TIAM1: variants seen among roughly 807,000 people sequenced by gnomAD.
The protein encoded by TIAM1 is TIAM Rac1 associated GEF 1.
TIAM1 carries 65 observed loss-of-function variants against 163.5 expected under a neutral mutation model. The ratio of observed to expected loss-of-function variants is 0.40; its 90% CI spans 0.33 to 0.49. The LOEUF is 0.49. Among genes scored for constraint, TIAM1 ranks in the 20% least tolerant of loss-of-function variants. TIAM1 has a pLI of 0.77. For missense variants in TIAM1, 1,789 were observed against 2,044.7 expected (o/e 0.87, Z 2.41); for synonymous variants, 833 against 810.1 (o/e 1.03, Z -0.48).
chr21:31,133,075 C>T (rs985953513), intron 23 of TIAM1, among the ~76,000 whole-genome samples: 2 of 152,118 alleles, frequency 1.3e-5, no homozygotes, highest in African/African-American at 2.4e-5. Flanking sequence ...CCAAATCTGC[C>T]GACTGAGGGT....
intron 25 of TIAM1, among the ~76,000 whole-genome samples, chr21:31,127,438 A>G (rs1320289513): frequency 2.1e-5 from 3 of 142,652 alleles, no homozygotes; most frequent in East Asian, 4.1e-4. Context: ...TTCTTTTTTG[A>G]GATGGAGTCT....
At chr21:31,335,074 A>T (rs1296512584) in intron 2 of TIAM1, among the ~76,000 whole-genome samples, 1 of 152,116 alleles carries the variant, frequency 6.6e-6, no homozygotes, top group African/African-American at 2.4e-5. Context: ...CTTGCATCAG[A>T]CCCAAGGCAT....
At chr21:31,400,151 G>A (rs1056841993) in intron 2 of TIAM1, among the ~76,000 whole-genome samples, 6 of 150,706 alleles carry the variant, frequency 4.0e-5, no homozygotes, top group East Asian at 3.9e-4. Context: ...TTTTTGAGAC[G>A]GAGTCTAGCT....
chr21:31,227,156 C>A (rs2088036473), intron 6 of TIAM1, among the ~76,000 whole-genome samples: 2 of 151,842 alleles, frequency 1.3e-5, no homozygotes, highest in South Asian at 4.2e-4. Context: ...AGGGTTTCAC[C>A]ATGTTGCCTA....
chr21:31,532,752 T>C (rs951970944), intron 1 of TIAM1, among the ~76,000 whole-genome samples: 7 of 152,134 alleles, frequency 4.6e-5, no homozygotes, highest in African/African-American at 1.7e-4. Context: ...AATTTCCCCA[T>C]CCTATCCAGC....
At chr21:31,261,255 C>T (rs1182525025) in intron 4 of TIAM1, among the ~76,000 whole-genome samples, 2 of 138,772 alleles carry the variant, frequency 1.4e-5, no homozygotes, top group Non-Finnish European at 3.0e-5. Context: ...TTCTTTTCAG[C>T]CAAGTCCTTT....
At chr21:31,206,338 C>T (rs2086449076) in intron 11 of TIAM1, among the ~76,000 whole-genome samples, 1 of 152,132 alleles carries the variant, frequency 6.6e-6, no homozygotes, top group Non-Finnish European at 1.5e-5. Context: ...CCTTAGATAC[C>T]TGTTAGTCAA....
intron 2 of TIAM1, among the ~76,000 whole-genome samples, chr21:31,462,898 A>G (rs1424686947): frequency 6.6e-6 from 1 of 152,008 alleles, no homozygotes; most frequent in Non-Finnish European, 1.5e-5. Flanking sequence ...ACCTGCCACC[A>G]TGCCCAACTA....
chr21:31,507,560 G>A (rs2047075085), intron 1 of TIAM1, among the ~76,000 whole-genome samples: 1 of 152,012 alleles, frequency 6.6e-6, no homozygotes, highest in African/African-American at 2.4e-5. Context: ...ACAACTAATA[G>A]CAAAATATGT....
chr21:31,403,824 GT>G (rs1035878275), intron 2 of TIAM1, among the ~76,000 whole-genome samples: 4 of 152,112 alleles, frequency 2.6e-5, no homozygotes, highest in Admixed American at 6.6e-5. Context: ...GAATTAGACA[GT>G]CCCTGCCCTC....
intron 2 of TIAM1, among the ~76,000 whole-genome samples, chr21:31,459,310 C>T (rs751911068): frequency 6.6e-6 from 1 of 152,072 alleles, no homozygotes; most frequent in Non-Finnish European, 1.5e-5. Flanking sequence ...GATTGTCTGG[C>T]TATGTTGCCC....
intron 9 of TIAM1, among the ~76,000 whole-genome samples, chr21:31,216,819 C>G (rs1477676772): frequency 1.3e-5 from 2 of 152,130 alleles, no homozygotes; most frequent in Non-Finnish European, 2.9e-5. Flanking sequence ...GGCAGAGGAT[C>G]TGCCCATTTA....
intron 3 of TIAM1, among the ~76,000 whole-genome samples, chr21:31,275,849 T>C (rs140716046): frequency 1.3e-3 from 204 of 152,274 alleles, no homozygotes; most frequent in African/African-American, 4.4e-3. Flanking sequence ...GGGAAGGACA[T>C]TGTGAAATCT....
intron 5 of TIAM1, among the ~76,000 whole-genome samples, chr21:31,248,967 T>TA (rs5843496): frequency 0.035 from 5,368 of 151,996 alleles, 281 homozygotes; most frequent in African/African-American, 0.11. Context: ...ATGTCCCAAG[T>TA]AAAAAAAAGC....
intron 2 of TIAM1, among the ~76,000 whole-genome samples, chr21:31,461,859 G>T (rs1047953341): frequency 1.3e-5 from 2 of 152,064 alleles, no homozygotes; most frequent in Non-Finnish European, 2.9e-5. Flanking sequence ...TAGAGACGGG[G>T]TCTCTCCGTG....
chr21:31,311,157 T>C (rs2074912060), intron 2 of TIAM1, among the ~76,000 whole-genome samples: 1 of 129,042 alleles, frequency 7.7e-6, no homozygotes, highest in Admixed American at 7.6e-5. Flanking sequence ...AATGGTTTTT[T>C]TGTTTGTTTG....
At chr21:31,452,562 C>T in intron 2 of TIAM1, 1 of 602,768 alleles carries the variant, frequency 1.7e-6, no homozygotes, top group Non-Finnish European at 3.0e-6. Flanking sequence ...ACCTTCGTCA[C>T]ACAAACTCTG....
Position 31,415,651 on chromosome 21 carries a change from T to C in TIAM1, c.-369+48332A>G, listed in dbSNP as rs911755326. Among the ~76,000 whole-genome samples, 6 of 152,260 alleles carry C rather than the reference T, an allele frequency of 3.9e-5. No homozygotes were observed. The East Asian group carries it at 9.6e-4, about 24-fold the overall frequency. On this transcript the variant is annotated intron_variant, in intron 2 of 28. Transcript: ENST00000286827. ...ACTATATGAAGAAATGGTAGGATTG[T>C]TGTGGCCTCTTCTGGTTTTACCATT...
At chr21:31,325,222 G>A (rs1325674180) in intron 2 of TIAM1, among the ~76,000 whole-genome samples, 1 of 151,934 alleles carries the variant, frequency 6.6e-6, no homozygotes, top group Non-Finnish European at 1.5e-5. Flanking sequence ...AGGTGGAGGT[G>A]CGGTAAGCTG....
Sources: gnomAD v4.1 joint callset for allele counts (sites outside exome capture counted in the v4.1 genomes callset) on GRCh38, gnomAD v4.1.1 for gene constraint, MANE v1.5 for transcripts, NCBI Gene and HGNC (gene_info 2026-07-23, HGNC 2026-07-21) for gene names.